TCP11L1: variants seen among roughly 807,000 people sequenced by gnomAD.
TCP11L1 encodes the protein T-complex protein 11-like protein 1.
In TCP11L1, 28 loss-of-function variants were observed where a neutral mutation model predicts 48.9. That is an observed-to-expected ratio of 0.57 (90% confidence interval 0.42 to 0.78). TCP11L1 has a LOEUF of 0.78. Ranked by LOEUF, TCP11L1 falls within the 30% of genes least tolerant of loss-of-function variation. The pLI is 0.00. For missense variants in TCP11L1, 505 were observed against 613.4 expected (o/e 0.82, Z 1.87); for synonymous variants, 204 against 231.9 (o/e 0.88, Z 1.09).
intron 9 of TCP11L1, among the ~76,000 whole-genome samples, chr11:33,069,318 A>G (rs1163551904): frequency 4.6e-5 from 7 of 151,882 alleles, no homozygotes; most frequent in African/African-American, 1.7e-4. Flanking sequence ...ATACTATTAA[A>G]ATATTATTAA....
At chr11:33,056,174 G>A (rs10430851) in intron 3 of TCP11L1, among the ~76,000 whole-genome samples, 111,386 of 151,882 alleles carry the variant, frequency 0.73, 41,029 homozygotes, top group East Asian at 0.87. Context: ...CAGTGGTGCA[G>A]TCTCAGCTCA....
At position 33,072,694 on chromosome 11, in the gene TCP11L1, G is replaced by GCAGCAGA; in HGVS notation, c.*24_*25insACAGCAG. On this transcript the variant is annotated 3_prime_UTR_variant, in exon 10 of 10. Coordinates refer to ENST00000334274, the MANE Select transcript of TCP11L1 (RefSeq NM_018393.4). ...GATCCTAACGTGTATGCACCCTACAGCAGCAGTATTACTCACTAGCCACAG... is the reference window on the plus strand; with the variant it reads ...GATCCTAACGTGTATGCACCCTACAGCAGCAGACAGCAGTATTACTCACTAGCCACAG... 6.2e-7 allele frequency: 1 copy of GCAGCAGA among 1,613,698 alleles called. No individual in the cohort carries two copies. The highest frequency in any genetic ancestry group is 8.5e-7 in the Non-Finnish European group (1 of 1,179,714).
intron 9 of TCP11L1, among the ~76,000 whole-genome samples, chr11:33,072,267 T>A (rs55986024): frequency 0.028 from 4,274 of 152,290 alleles, 85 homozygotes; most frequent in Non-Finnish European, 0.042. Flanking sequence ...GCTCCTACCT[T>A]CATGAAACTA....
intron 4 of TCP11L1, 68 bp downstream of exon 4, chr11:33,057,303 A>T: frequency 6.2e-7 from 1 of 1,600,690 alleles, no homozygotes; most frequent in East Asian, 2.2e-5. Flanking sequence ...TTCTTGTGTC[A>T]CCACCAGAAG....
intron 2 of TCP11L1, among the ~76,000 whole-genome samples, chr11:33,050,543 T>G (rs1300454160): frequency 6.6e-6 from 1 of 152,222 alleles, no homozygotes; most frequent in Non-Finnish European, 1.5e-5. Context: ...CCTACTGAAC[T>G]GGGTGTGCAC....
At chr11:33,057,067 C>G (rs756332355) in intron 3 of TCP11L1, 48 bp from the exon 4 acceptor site, 1 of 1,611,172 alleles carries the variant, frequency 6.2e-7, no homozygotes, top group African/African-American at 1.3e-5. Context: ...ATTTGAAACT[C>G]AAATATTTTG....
intron 2 of TCP11L1, among the ~76,000 whole-genome samples, chr11:33,044,888 GT>G (rs1291551257): frequency 6.6e-6 from 1 of 152,258 alleles, no homozygotes; most frequent in Non-Finnish European, 1.5e-5. Context: ...GAAAGCTTCT[GT>G]TTTCCTGTCT....
intron 3 of TCP11L1, 121 bp from the exon 4 acceptor site, chr11:33,056,994 C>T (rs1854327617): frequency 7.2e-7 from 1 of 1,389,896 alleles, no homozygotes; most frequent in Non-Finnish European, 9.8e-7. Context: ...GAAATCTTTC[C>T]TTGGTCCAAA....
intron 2 of TCP11L1, among the ~76,000 whole-genome samples, chr11:33,054,017 A>G (rs190894841): frequency 9.0e-4 from 137 of 152,030 alleles, no homozygotes; most frequent in African/African-American, 3.3e-3. Flanking sequence ...AGATCTCACT[A>G]TGGTGCCCAG....
chr11:33,059,229 A>G, intron 6 of TCP11L1, 134 bp downstream of exon 6: 1 of 1,233,064 alleles, frequency 8.1e-7, no homozygotes, highest in Middle Eastern at 2.6e-4. Context: ...TGAAGAAGGA[A>G]AAGCACAAAA....
intron 2 of TCP11L1, among the ~76,000 whole-genome samples, chr11:33,052,224 C>T (rs1276810725): frequency 1.3e-5 from 2 of 152,118 alleles, no homozygotes; most frequent in Admixed American, 1.3e-4. Flanking sequence ...TGCACATGTA[C>T]ACCTGAACTT....
chr11:33,063,721 C>T (rs777961550), intron 7 of TCP11L1, among the ~76,000 whole-genome samples: 1 of 152,184 alleles, frequency 6.6e-6, no homozygotes. Flanking sequence ...GGTACGTGAG[C>T]TTCTTATCAC....
chr11:33,069,596 T>C (rs1159537841), intron 9 of TCP11L1, among the ~76,000 whole-genome samples: 1 of 152,052 alleles, frequency 6.6e-6, no homozygotes, highest in Non-Finnish European at 1.5e-5. Flanking sequence ...AATACATAGT[T>C]TTGTTTGTTT....
intron 1 of TCP11L1, among the ~76,000 whole-genome samples, chr11:33,041,770 A>G (rs938904490): frequency 6.6e-6 from 1 of 152,000 alleles, no homozygotes; most frequent in African/African-American, 2.4e-5. Context: ...AAAAAAACAA[A>G]AAAACAGGCC....
chr11:33,040,836 G>A (rs1251957584), intron 1 of TCP11L1: 2 of 151,850 alleles, frequency 1.3e-5, no homozygotes, highest in Non-Finnish European at 2.9e-5. Flanking sequence ...TTAAAGATCA[G>A]TTCAAATGTC....
chr11:33,052,827 T>C (rs1324558867), intron 2 of TCP11L1, among the ~76,000 whole-genome samples: 1 of 151,990 alleles, frequency 6.6e-6, no homozygotes, highest in African/African-American at 2.4e-5. Context: ...AAACTTGTCT[T>C]TAAAAAAATA....
intron 2 of TCP11L1, among the ~76,000 whole-genome samples, chr11:33,045,182 C>A (rs1200401764): frequency 6.6e-6 from 1 of 151,530 alleles, no homozygotes; most frequent in Non-Finnish European, 1.5e-5. Context: ...TAATGAGACC[C>A]CATCTCTACA....
intron 2 of TCP11L1, among the ~76,000 whole-genome samples, chr11:33,050,404 T>C (rs1854124718): frequency 6.6e-6 from 1 of 151,936 alleles, no homozygotes. Flanking sequence ...TAACACCTGA[T>C]GCTTGATAAT....
At chr11:33,043,974 AT>A in intron 2 of TCP11L1, 38 bp downstream of exon 2, 1 of 1,553,162 alleles carries the variant, frequency 6.4e-7, no homozygotes. Flanking sequence ...CAATATTGTC[AT>A]TGTTTTCAGG....
Sources: allele counts gnomAD v4.1 joint callset (sites outside exome capture counted in the v4.1 genomes callset), GRCh38; gene constraint gnomAD v4.1.1; transcripts MANE v1.5; gene names NCBI Gene and HGNC (gene_info 2026-07-23, HGNC 2026-07-21).